Variants in NAV2 observed in about 807,000 individuals in gnomAD.
NAV2 encodes neuron navigator 2.
NAV2 carries 54 observed loss-of-function variants against 223.2 expected under a neutral mutation model. The ratio of observed to expected loss-of-function variants is 0.24; its 90% CI spans 0.19 to 0.30. NAV2 has a LOEUF of 0.30. Ranked by LOEUF, NAV2 falls within the 10% of genes least tolerant of loss-of-function variation. The probability of loss-of-function intolerance (pLI) is 1.00; values close to 1 mark genes in which losing one functional copy is unlikely to be tolerated. For missense variants in NAV2, 2,806 were observed against 3,147.5 expected, an observed-to-expected ratio of 0.89 and a Z score of 2.60; for synonymous variants, 1,279 against 1,239.3, an observed-to-expected ratio of 1.03 and a Z score of -0.67.
intron 1 of NAV2, among the ~76,000 whole-genome samples, chr11:19,702,779 AAAT>A (rs199504956): frequency 1.3e-5 from 1 of 79,300 alleles, no homozygotes; most frequent in African/African-American, 3.7e-5. Context: ...CCCTGTCTCA[AAAT>A]AATAATAATA....
Position 20,056,026 on chromosome 11 carries a change from G to C in NAV2, c.4831+69G>C, listed in dbSNP as rs1307890918. On this transcript the variant is annotated intron_variant, in intron 19 of 37. Transcript: ENST00000349880. ...CCCAGGTTACTCAGTGTAGTTAAGGGTCCTCTATGCTAAGTTCACTTCCTT... is the reference window on the plus strand; with the variant it reads ...CCCAGGTTACTCAGTGTAGTTAAGGCTCCTCTATGCTAAGTTCACTTCCTT... 4 of 1,440,064 alleles carry C rather than the reference G, an allele frequency of 2.8e-6. No individual in the cohort carries two copies. The Admixed American group carries it at 6.0e-5, about 22-fold the overall frequency. The allele number at this position is 1,440,064 out of a possible 1,614,324, so 89.2% of individuals were successfully genotyped here.
At chr11:19,616,336 G>GTGTGTC in intron 1 of NAV2, among the ~76,000 whole-genome samples, 1 of 147,686 alleles carries the variant, frequency 6.8e-6, no homozygotes, top group South Asian at 2.2e-4. Flanking sequence ...GTGTGTGTGT[G>GTGTGTC]CGCGCGCATG....
chr11:19,844,029 TTTG>T (rs781408702), intron 3 of NAV2, among the ~76,000 whole-genome samples: 7 of 152,154 alleles, frequency 4.6e-5, no homozygotes, highest in South Asian at 2.1e-4. Flanking sequence ...GAAACAAGTT[TTTG>T]TTGTTGTTGT....
intron 1 of NAV2, among the ~76,000 whole-genome samples, chr11:19,689,235 G>A (rs1030439280): frequency 3.3e-5 from 5 of 152,248 alleles, no homozygotes; most frequent in Admixed American, 6.5e-5. Context: ...CCCTGGAGCA[G>A]CCAGAGGTGG....
intron 1 of NAV2, among the ~76,000 whole-genome samples, chr11:19,685,508 G>C (rs1054447188): frequency 3.3e-5 from 5 of 152,178 alleles, no homozygotes. Flanking sequence ...TGTTAAGGAA[G>C]AGGAGGAAGG....
chr11:20,011,027 T>A (rs1779577011), intron 11 of NAV2, among the ~76,000 whole-genome samples: 1 of 152,176 alleles, frequency 6.6e-6, no homozygotes, highest in Admixed American at 6.5e-5. Context: ...AGTCTCTTCC[T>A]CTCCGCAGGC....
In NAV2 at chr11:19,535,583, C is replaced by T. The variant is rs549445987; in HGVS notation, c.75+184556C>T. On this transcript the variant is annotated intron_variant, in intron 1 of 37. Transcript: ENST00000360655. Reference sequence around the variant, plus strand: ...TTAAAGGTTTACTTTGGGAATTTGCCGTCTTGAAAGCTCTGCCTTAATTAG... The same window carrying T: ...TTAAAGGTTTACTTTGGGAATTTGCTGTCTTGAAAGCTCTGCCTTAATTAG... Among the ~76,000 whole-genome samples, 18 of 152,256 alleles carry T rather than the reference C, an allele frequency of 1.2e-4. No individual in the cohort carries two copies. In the South Asian group the frequency reaches 1.2e-3, roughly 11 times the overall value.
chr11:19,560,694 G>A (rs2045062635), intron 1 of NAV2, among the ~76,000 whole-genome samples: 1 of 152,174 alleles, frequency 6.6e-6, no homozygotes, highest in African/African-American at 2.4e-5. Flanking sequence ...TTAGCTATAT[G>A]GCCTTAGGTA....
chr11:19,609,306 T>C (rs901712483), intron 1 of NAV2, among the ~76,000 whole-genome samples: 1 of 151,742 alleles, frequency 6.6e-6, no homozygotes, highest in Non-Finnish European at 1.5e-5. Context: ...AATATAAAAA[T>C]TGAAACAAAA....
Position 19,933,087 on chromosome 11 carries a change from G to A in NAV2, c.932-89G>A. On this transcript the variant is annotated intron_variant, in intron 6 of 37. Transcript: ENST00000349880. This position sits in a 1 kb window ranked among gnomAD's most constrained non-coding sequence, Gnocchi z 4.3. ...GCTATACGGCATTTGGGTTGGGAGT[G>A]ATTGGTTGTGTGGCCATGGCTGACC... 1 of 1,431,122 alleles carries A rather than the reference G, an allele frequency of 7.0e-7. No homozygotes were observed. 88.7% of individuals were successfully genotyped at this position (1,431,122 alleles called of 1,614,324 possible). A position where few individuals can be genotyped will look rare whatever the true frequency, so the allele number is the denominator to read the frequency against.
At chr11:19,560,595 T>G (rs2045059470) in intron 1 of NAV2, among the ~76,000 whole-genome samples, 1 of 152,224 alleles carries the variant, frequency 6.6e-6, no homozygotes, top group Non-Finnish European at 1.5e-5. Flanking sequence ...CAACATGCTG[T>G]GAATATAAGT....
At chr11:20,103,435 G>A (rs759889687) in intron 33 of NAV2, 26 bp downstream of exon 33, 3 of 1,606,984 alleles carry the variant, frequency 1.9e-6, no homozygotes, top group South Asian at 2.2e-5. Flanking sequence ...GGACCTCATA[G>A]CCCCCCGGGA....
At chr11:19,773,335 G>T (rs1218604237) in intron 1 of NAV2, among the ~76,000 whole-genome samples, 1 of 152,196 alleles carries the variant, frequency 6.6e-6, no homozygotes, top group African/African-American at 2.4e-5. Flanking sequence ...CAGACTCTGA[G>T]GGGTCAGCCC....
chr11:19,362,092 G>T (rs1853985900), intron 1 of NAV2, among the ~76,000 whole-genome samples: 1 of 152,152 alleles, frequency 6.6e-6, no homozygotes, highest in Non-Finnish European at 1.5e-5. Flanking sequence ...TGTAATGCAG[G>T]TGCAGGTATA....
chr11:19,507,492 G>A (rs1564996831), intron 1 of NAV2, among the ~76,000 whole-genome samples: 1 of 152,134 alleles, frequency 6.6e-6, no homozygotes, highest in South Asian at 2.1e-4. Context: ...AAATGTGGAG[G>A]GTAGACTACT....
At chr11:19,674,933 A>G (rs2048673599) in intron 1 of NAV2, among the ~76,000 whole-genome samples, 1 of 152,192 alleles carries the variant, frequency 6.6e-6, no homozygotes, top group African/African-American at 2.4e-5. Context: ...GCACCACTTT[A>G]TGGAGTTTGG....
intron 1 of NAV2, among the ~76,000 whole-genome samples, chr11:19,572,554 G>A (rs1243783800): frequency 2.0e-5 from 3 of 152,282 alleles, no homozygotes; most frequent in Non-Finnish European, 2.9e-5. Context: ...TTTTGGGGAA[G>A]AGCAAGAAAG....
At chr11:19,614,124 G>A (rs2046721706) in intron 1 of NAV2, among the ~76,000 whole-genome samples, 1 of 152,114 alleles carries the variant, frequency 6.6e-6, no homozygotes, top group Non-Finnish European at 1.5e-5. Context: ...GGAGTCTCTG[G>A]TGCAGAAGGC....
At position 19,466,147 on chromosome 11, in the gene NAV2, A is replaced by T. The variant is rs943721400; in HGVS notation, c.75+115120A>T. ...ATATTTTATTTAAATTTTTATAGCG[A>T]TGTGCCAGATGGGAAGACAGGCAGC... On this transcript the variant is annotated intron_variant, in intron 1 of 37. Transcript: ENST00000360655. Among the ~76,000 whole-genome samples the T allele has an allele frequency of 1.7e-4, 26 of 152,290 alleles. 2 individuals carry two copies. Among genetic ancestry groups the T allele is most frequent in the Admixed American group, 1.5e-3 (23 of 15,290 alleles).
Sources: gnomAD v4.1 joint callset for allele counts (sites outside exome capture counted in the v4.1 genomes callset) on GRCh38, gnomAD v4.1.1 for gene constraint, Gnocchi (gnomAD v3.1) non-coding constraint, MANE v1.5 for transcripts, NCBI Gene and HGNC (gene_info 2026-07-23, HGNC 2026-07-21) for gene names.